LEP: variants seen among roughly 807,000 people sequenced by gnomAD.
The protein encoded by LEP is leptin.
LEP carries 6 observed loss-of-function variants against 9.8 expected under a neutral mutation model. The observed-to-expected ratio is 0.61, with a 90% confidence interval of 0.34 to 1.21. LEP has a LOEUF of 1.21. Among genes scored for constraint, LEP ranks in the 50% most tolerant of loss-of-function variants. The pLI is 0.04. For synonymous variants in LEP, 112 were observed against 81.7 expected (o/e 1.37, Z -2.00); for missense variants, 134 against 198.1 (o/e 0.68, Z 1.94).
chr7:128,253,511 C>T (rs932919807), intron 2 of LEP, among the ~76,000 whole-genome samples: 1 of 152,198 alleles, frequency 6.6e-6, no homozygotes, highest in African/African-American at 2.4e-5. Context: ...GGGGATATCA[C>T]ACACTATTCA....
At chr7:128,245,502 A>C (rs1242848194) in intron 1 of LEP, among the ~76,000 whole-genome samples, 1 of 152,138 alleles carries the variant, frequency 6.6e-6, no homozygotes, top group African/African-American at 2.4e-5. Context: ...TCTCATCCCC[A>C]AGTCCCTTCC....
chr7:128,247,479 T>C (rs1795225209), intron 1 of LEP, among the ~76,000 whole-genome samples: 1 of 152,114 alleles, frequency 6.6e-6, no homozygotes, highest in African/African-American at 2.4e-5. Context: ...TTGCCTCCCT[T>C]CCTGGTGCTC....
At chr7:128,249,845 C>T (rs1795253915) in intron 1 of LEP, among the ~76,000 whole-genome samples, 1 of 152,184 alleles carries the variant, frequency 6.6e-6, no homozygotes, top group Non-Finnish European at 1.5e-5. Context: ...TTCTCCTAAA[C>T]CTGGCCTCTC....
intron 1 of LEP, among the ~76,000 whole-genome samples, chr7:128,248,395 G>T (rs1795239130): frequency 6.6e-6 from 1 of 151,848 alleles, no homozygotes; most frequent in Non-Finnish European, 1.5e-5. Flanking sequence ...TTGCACCATT[G>T]CACTCCAGCC....
chr7:128,247,967 TTTC>T (rs764952000), intron 1 of LEP, among the ~76,000 whole-genome samples: 26 of 152,298 alleles, frequency 1.7e-4, no homozygotes, highest in Admixed American at 3.3e-4. Context: ...ACCCAAGGCA[TTTC>T]TTCATTTAAA....
chr7:128,253,360 C>T (rs1486104006), intron 2 of LEP, among the ~76,000 whole-genome samples: 1 of 152,212 alleles, frequency 6.6e-6, no homozygotes, highest in Non-Finnish European at 1.5e-5. Flanking sequence ...TCCAGCAGGC[C>T]TAGACCTTCA....
At chr7:128,247,499 G>T (rs562963741) in intron 1 of LEP, among the ~76,000 whole-genome samples, 2 of 152,264 alleles carry the variant, frequency 1.3e-5, no homozygotes, top group African/African-American at 4.8e-5. Context: ...CACTGCCCCT[G>T]CGATTCCAGC....
In LEP at chr7:128,254,392, C is replaced by G; in HGVS notation, c.145-12C>G. 1 of 1,612,162 alleles carries G rather than the reference C, an allele frequency of 6.2e-7. No individual in the cohort carries two copies. Reference sequence around the variant, plus strand: ...ATGCTGAGCACTTGTTCTCCCTCTTCCTCCTGCATAGCAGTCAGTCTCCTC... The same window carrying G: ...ATGCTGAGCACTTGTTCTCCCTCTTGCTCCTGCATAGCAGTCAGTCTCCTC... On this transcript the variant is annotated splice_polypyrimidine_tract_variant and intron_variant, in intron 2 of 2. Coordinates refer to ENST00000308868, the MANE Select transcript of LEP (RefSeq NM_000230.3).
intron 2 of LEP, among the ~76,000 whole-genome samples, chr7:128,253,529 G>A (rs1795299893): frequency 2.0e-5 from 3 of 152,184 alleles, no homozygotes; most frequent in Non-Finnish European, 2.9e-5. Flanking sequence ...TCACAAGGTT[G>A]TTATGAGGCC....
At chr7:128,247,284 A>T (rs897141783) in intron 1 of LEP, among the ~76,000 whole-genome samples, 3 of 152,126 alleles carry the variant, frequency 2.0e-5, no homozygotes, top group African/African-American at 7.2e-5. Context: ...CTCTGAGCTC[A>T]GACTTCCAAT....
chr7:128,243,119 G>T (rs1795171217), intron 1 of LEP, among the ~76,000 whole-genome samples: 1 of 152,194 alleles, frequency 6.6e-6, no homozygotes, highest in Admixed American at 6.5e-5. Context: ...AAACAGAGAG[G>T]TTGTTTCTGC....
chr7:128,251,314 G>A (rs189445518), intron 1 of LEP, among the ~76,000 whole-genome samples: 8 of 152,200 alleles, frequency 5.3e-5, no homozygotes, highest in African/African-American at 9.7e-5. Flanking sequence ...TGAGCACTGC[G>A]TCTGACATAT....
At position 128,257,193 on chromosome 7, in the gene LEP, A is replaced by T. The variant is rs192232228; in HGVS notation, c.*2430A>T. The stretch of plus-strand genomic sequence containing the variant: ...CTGAGGTGTCTTAAGCCTTTTGCTC[A>T]CAAAACCTGGCACAATGGCTAATTC... On this transcript the variant is annotated 3_prime_UTR_variant, in exon 3 of 3. Coordinates refer to ENST00000308868, the MANE Select transcript of LEP (RefSeq NM_000230.3). 1 of 152,194 alleles carries T rather than the reference A, an allele frequency of 6.6e-6. No individual in the cohort carries two copies. Among genetic ancestry groups the T allele is most frequent in the East Asian group, 1.9e-4 (1 of 5,190 alleles). 9.4% of individuals were successfully genotyped at this position (152,194 alleles called of 1,614,324 possible).
At chr7:128,244,049 G>A (rs1400325065) in intron 1 of LEP, among the ~76,000 whole-genome samples, 1 of 150,650 alleles carries the variant, frequency 6.6e-6, no homozygotes, top group East Asian at 2.0e-4. Context: ...AGGAGTTCCA[G>A]ATCAGCTGGG....
chr7:128,245,463 C>T (rs1318584263), intron 1 of LEP, among the ~76,000 whole-genome samples: 2 of 152,306 alleles, frequency 1.3e-5, no homozygotes, highest in South Asian at 2.1e-4. Flanking sequence ...ATCCAAACTT[C>T]GCTGCCTTTA....
intron 1 of LEP, among the ~76,000 whole-genome samples, chr7:128,245,189 A>G (rs897300271): frequency 7.9e-5 from 12 of 152,060 alleles, no homozygotes; most frequent in African/African-American, 2.9e-4. Context: ...AATCTTCCCA[A>G]ACCAACTATG....
Position 128,252,090 on chromosome 7 carries a change from C to T in LEP, c.72C>T (p.Ile24=), listed in dbSNP as rs1423130790. The T allele has an allele frequency of 6.2e-7, 1 of 1,614,076 alleles. No homozygotes were observed. Among genetic ancestry groups the T allele is most frequent in the South Asian group, 1.1e-5 (1 of 91,082 alleles). ...PYLFYVQAVP[I]QKVQDDTKTL... ...TTTTCTATGTCCAAGCTGTGCCCAT[C>T]CAAAAAGTCCAAGATGACACCAAAA... is the stretch of plus-strand genomic sequence containing the variant. Residue 24 remains isoleucine, a synonymous_variant, in exon 2 of 3, where the codon ATC becomes ATT. Transcript: ENST00000308868.
At chr7:128,248,779 T>A (rs1795243045) in intron 1 of LEP, among the ~76,000 whole-genome samples, 1 of 152,206 alleles carries the variant, frequency 6.6e-6, no homozygotes, top group Non-Finnish European at 1.5e-5. Flanking sequence ...GGGAAAGCCA[T>A]CAGCCTCTGC....
Position 128,255,026 on chromosome 7 carries a change from C to A in LEP, c.*263C>A. ...GAGTGGGCTGCATCTGGGATTCCCA[C>A]CAAGGTCTTCAGCCATCAACAAGAG... On this transcript the variant is annotated 3_prime_UTR_variant, in exon 3 of 3. Coordinates refer to ENST00000308868, the MANE Select transcript of LEP (RefSeq NM_000230.3). The A allele has an allele frequency of 2.0e-6, 1 of 497,388 alleles. No homozygotes were observed. The highest frequency in any genetic ancestry group is 3.7e-6 in the Non-Finnish European group (1 of 271,904). The allele number at this position is 497,388 out of a possible 1,614,324, so 30.8% of individuals were successfully genotyped here.
Sources: gnomAD v4.1 joint callset for allele counts (sites outside exome capture counted in the v4.1 genomes callset) on GRCh38, gnomAD v4.1.1 for gene constraint, MANE v1.5 for transcripts, NCBI Gene and HGNC (gene_info 2026-07-23, HGNC 2026-07-21) for gene names.